Variants in HS6ST3 observed in about 807,000 individuals in gnomAD.
The protein encoded by HS6ST3 is heparan sulfate 6-O-sulfotransferase 3.
In HS6ST3, 12 loss-of-function variants were observed where a neutral mutation model predicts 36.7. The ratio of observed to expected loss-of-function variants is 0.33; its 90% confidence interval spans 0.21 to 0.53. The LOEUF (loss-of-function observed/expected upper bound fraction) is 0.53, where lower values mean the gene tolerates loss of function less well. Among genes scored for constraint, HS6ST3 ranks in the 20% least tolerant of loss-of-function variants. The probability of loss-of-function intolerance (pLI) is 0.95; values close to 1 mark genes in which losing one functional copy is unlikely to be tolerated. For missense variants in HS6ST3, 584 were observed against 640.9 expected (o/e 0.91, Z 0.96); for synonymous variants, 240 against 257.5 (o/e 0.93, Z 0.65).
At chr13:96,627,437 A>T (rs2056516847) in intron 1 of HS6ST3, among the ~76,000 whole-genome samples, 1 of 151,820 alleles carries the variant, frequency 6.6e-6, no homozygotes, top group Non-Finnish European at 1.5e-5. Flanking sequence ...TTGGTTTAGG[A>T]ATTTGGGGAC....
At chr13:96,235,858 A>G (rs1328490272) in intron 1 of HS6ST3, among the ~76,000 whole-genome samples, 1 of 152,154 alleles carries the variant, frequency 6.6e-6, no homozygotes, top group Non-Finnish European at 1.5e-5. Flanking sequence ...GGCTACATGT[A>G]TATATGGAGG....
chr13:96,333,307 T>A (rs1317984091), intron 1 of HS6ST3, among the ~76,000 whole-genome samples: 1 of 152,220 alleles, frequency 6.6e-6, no homozygotes, highest in Non-Finnish European at 1.5e-5. Flanking sequence ...AGATTCCATG[T>A]CTATAATTCA....
chr13:96,430,595 G>A (rs2055610414), intron 1 of HS6ST3, among the ~76,000 whole-genome samples: 1 of 152,148 alleles, frequency 6.6e-6, no homozygotes, highest in African/African-American at 2.4e-5. Flanking sequence ...TGCCCTCTGT[G>A]CTAGTCTCAG....
intron 1 of HS6ST3, among the ~76,000 whole-genome samples, chr13:96,522,111 CAG>C (rs1260237345): frequency 3.9e-5 from 6 of 152,240 alleles, no homozygotes; most frequent in African/African-American, 1.2e-4. Flanking sequence ...GTTATTTACT[CAG>C]AGTCATTCAG....
chr13:96,434,424 C>T (rs1381510313), intron 1 of HS6ST3, among the ~76,000 whole-genome samples: 1 of 152,204 alleles, frequency 6.6e-6, no homozygotes, highest in Non-Finnish European at 1.5e-5. Context: ...TGACTGATGG[C>T]TGCCTTGGCC....
At chr13:96,564,074 A>G (rs1209624923) in intron 1 of HS6ST3, among the ~76,000 whole-genome samples, 2 of 152,196 alleles carry the variant, frequency 1.3e-5, no homozygotes, top group African/African-American at 4.8e-5. Context: ...CCAATAAACT[A>G]TTTTGTTGTT....
chr13:96,494,032 G>A (rs745997161), intron 1 of HS6ST3, among the ~76,000 whole-genome samples: 6 of 151,940 alleles, frequency 3.9e-5, no homozygotes, highest in East Asian at 1.9e-4. Context: ...ATGGTTCTTC[G>A]TCTTTGTGAT....
intron 1 of HS6ST3, among the ~76,000 whole-genome samples, chr13:96,611,231 C>T: frequency 6.6e-6 from 1 of 151,496 alleles, no homozygotes; most frequent in Non-Finnish European, 1.5e-5. Context: ...GTGCGCTGCA[C>T]CCACTAACTC....
At chr13:96,389,517 T>G (rs558342797) in intron 1 of HS6ST3, among the ~76,000 whole-genome samples, 1 of 152,298 alleles carries the variant, frequency 6.6e-6, no homozygotes, top group African/African-American at 2.4e-5. Flanking sequence ...AATATTTTTC[T>G]CTGTATCAAA....
At position 96,839,125 on chromosome 13, in the gene HS6ST3, G is replaced by A. The variant is rs557781301; in HGVS notation, c.*5927G>A. The A allele has an allele frequency of 9.8e-5, 15 of 152,310 alleles. No homozygotes were observed. In the East Asian group the frequency reaches 2.9e-3, roughly 29 times the overall value. The allele number at this position is 152,310 out of a possible 1,614,324, so 9.4% of individuals were successfully genotyped here. ...GCCAGAAAAACCAGTGTTTTGAGGAGCAAAAGTTTTGTGTACTTCAGTAAT... is the reference window on the plus strand; with the variant it reads ...GCCAGAAAAACCAGTGTTTTGAGGAACAAAAGTTTTGTGTACTTCAGTAAT... On this transcript the variant is annotated 3_prime_UTR_variant, in exon 2 of 2. Coordinates refer to ENST00000376705, the MANE Select transcript of HS6ST3 (RefSeq NM_153456.4).
chr13:96,222,563 G>A (rs2054461111), intron 1 of HS6ST3, among the ~76,000 whole-genome samples: 1 of 152,226 alleles, frequency 6.6e-6, no homozygotes. Context: ...ATAACACCAG[G>A]TAAGTGGGCT....
intron 1 of HS6ST3, among the ~76,000 whole-genome samples, chr13:96,127,424 C>A (rs140029351): frequency 6.6e-6 from 1 of 152,198 alleles, no homozygotes; most frequent in South Asian, 2.1e-4. Flanking sequence ...AGGGTTTGTG[C>A]TCCTATGAGA....
At chr13:96,626,575 A>G (rs1046340576) in intron 1 of HS6ST3, among the ~76,000 whole-genome samples, 5 of 152,140 alleles carry the variant, frequency 3.3e-5, no homozygotes, top group African/African-American at 4.8e-5. Context: ...TTATTCTTCA[A>G]TTGTACCTTG....
At chr13:96,436,468 A>T (rs1406971768) in intron 1 of HS6ST3, among the ~76,000 whole-genome samples, 1 of 152,134 alleles carries the variant, frequency 6.6e-6, no homozygotes, top group African/African-American at 2.4e-5. Context: ...AAACACACCG[A>T]TGTTATTGGT....
chr13:96,270,571 T>C (rs2139388048), intron 1 of HS6ST3, among the ~76,000 whole-genome samples: 1 of 151,890 alleles, frequency 6.6e-6, no homozygotes, highest in South Asian at 2.1e-4. Context: ...AGCTTAGTGT[T>C]ATGAGGATTC....
Position 96,159,372 on chromosome 13 carries a change from G to C in HS6ST3, c.707+67803G>C, listed in dbSNP as rs139673664. ...TTCCTTGGAGTTAGTCTTGTTGTTT[G>C]TTTTTTAAAAGAAATAAGGATACTG... On this transcript the variant is annotated intron_variant, in intron 1 of 1. Coordinates refer to ENST00000376705, the MANE Select transcript of HS6ST3 (RefSeq NM_153456.4). Among the ~76,000 whole-genome samples the C allele has an allele frequency of 4.7e-4, 72 of 152,158 alleles. 2 individuals are homozygous for C. Among genetic ancestry groups the C allele is most frequent in the African/African-American group, 1.6e-3 (67 of 41,516 alleles).
chr13:96,102,478 T>C (rs1017798388), intron 1 of HS6ST3, among the ~76,000 whole-genome samples: 2 of 152,056 alleles, frequency 1.3e-5, no homozygotes, highest in Non-Finnish European at 1.5e-5. Flanking sequence ...TGAGACTCTG[T>C]CTCAAAACAA....
At chr13:96,427,713 C>G (rs1364695375) in intron 1 of HS6ST3, among the ~76,000 whole-genome samples, 12 of 152,140 alleles carry the variant, frequency 7.9e-5, no homozygotes. Flanking sequence ...TGGTACAATG[C>G]TATTATTTCA....
intron 1 of HS6ST3, among the ~76,000 whole-genome samples, chr13:96,292,915 G>A (rs928570945): frequency 6.6e-6 from 1 of 152,000 alleles, no homozygotes; most frequent in African/African-American, 2.4e-5. Context: ...GCTTTTATAT[G>A]CTGTATTATC....
Sources: allele counts gnomAD v4.1 joint callset (sites outside exome capture counted in the v4.1 genomes callset), GRCh38; gene constraint gnomAD v4.1.1; transcripts MANE v1.5; gene names NCBI Gene and HGNC (gene_info 2026-07-23, HGNC 2026-07-21).